The following IGF2R variants were observed in gnomAD, a reference collection of about 807,000 sequenced individuals.
IGF2R encodes insulin like growth factor 2 receptor, also known as cation-independent mannose-6-phosphate receptor.
A neutral mutation model predicts 270.6 loss-of-function variants in IGF2R; 91 were observed. The ratio of observed to expected loss-of-function variants is 0.34; its 90% CI spans 0.28 to 0.40. The LOEUF (loss-of-function observed/expected upper bound fraction) is 0.40, where lower values mean the gene tolerates loss of function less well. IGF2R is among the 10% of genes least tolerant of loss of function. IGF2R has a pLI of 1.00. For missense variants in IGF2R, 2,805 were observed against 3,188.3 expected (o/e 0.88, Z 2.90); for synonymous variants, 1,316 against 1,258.9 (o/e 1.05, Z -0.96).
intron 31 of IGF2R, among the ~76,000 whole-genome samples, chr6:160,070,432 C>T (rs1357374766): frequency 6.6e-6 from 1 of 152,196 alleles, no homozygotes; most frequent in Non-Finnish European, 1.5e-5. Flanking sequence ...CTGCCACTTC[C>T]CAGCCACATA....
chr6:160,028,389 G>A (rs574332654), intron 6 of IGF2R, among the ~76,000 whole-genome samples: 1 of 152,364 alleles, frequency 6.6e-6, no homozygotes, highest in East Asian at 1.9e-4. Flanking sequence ...CACATGCTGA[G>A]CTATGGCTTA....
intron 10 of IGF2R, among the ~76,000 whole-genome samples, chr6:160,034,957 G>A (rs533347144): frequency 6.6e-6 from 1 of 152,276 alleles, no homozygotes; most frequent in East Asian, 1.9e-4. Flanking sequence ...GTAGAGTTTG[G>A]ATCTGGGGAT....
At chr6:160,042,548 C>A (rs1291257080) in intron 11 of IGF2R, among the ~76,000 whole-genome samples, 1 of 152,172 alleles carries the variant, frequency 6.6e-6, no homozygotes, top group Non-Finnish European at 1.5e-5. Flanking sequence ...GCTGGTGCCC[C>A]CTCACGTCCT....
In IGF2R at chr6:160,020,249, A is replaced by G. The variant is rs114778628; in HGVS notation, c.514-4323A>G. ...CCACTAGAAATACATTTAGCCAAGG[A>G]GGTGAAAAATCTCTACAAGGAAAAC... On this transcript the variant is annotated intron_variant, in intron 4 of 47. Coordinates refer to ENST00000356956, the MANE Select transcript of IGF2R (RefSeq NM_000876.4). 2.5e-3 allele frequency among the ~76,000 whole-genome samples: 377 copies of G among 152,058 alleles called. 1 individual carries two copies. The highest frequency in any genetic ancestry group is 8.7e-3 in the African/African-American group (363 of 41,524).
At chr6:160,028,946 A>T (rs1324968122) in intron 6 of IGF2R, among the ~76,000 whole-genome samples, 1 of 146,822 alleles carries the variant, frequency 6.8e-6, no homozygotes, top group Non-Finnish European at 1.5e-5. Flanking sequence ...CTCTTTCCTT[A>T]TTCTAGGACA....
At chr6:160,088,987 G>C (rs1024080313) in intron 42 of IGF2R, 120 bp from the exon 43 acceptor site, 63 of 1,021,370 alleles carry the variant, frequency 6.2e-5, no homozygotes, top group Middle Eastern at 6.2e-4. Context: ...CTGAAGTCTC[G>C]CAGCACCTTG....
At chr6:159,994,119 G>A (rs1163513004) in intron 2 of IGF2R, among the ~76,000 whole-genome samples, 1 of 147,790 alleles carries the variant, frequency 6.8e-6, no homozygotes, top group Non-Finnish European at 1.5e-5. Flanking sequence ...TTAAAGTACT[G>A]ATTCAATCTC....
chr6:159,985,898 A>AT (rs983924398), intron 1 of IGF2R, among the ~76,000 whole-genome samples: 1 of 151,876 alleles, frequency 6.6e-6, no homozygotes, highest in Non-Finnish European at 1.5e-5. Flanking sequence ...TTTCTAGAAC[A>AT]TTTTCTGTCC....
intron 39 of IGF2R, among the ~76,000 whole-genome samples, chr6:160,081,408 T>G (rs571725400): frequency 8.7e-4 from 133 of 152,136 alleles, no homozygotes; most frequent in African/African-American, 2.8e-3. Context: ...GTCATGGAGA[T>G]CACATGCTTC....
chr6:160,093,681 C>T, intron 44 of IGF2R: 1 of 754,368 alleles, frequency 1.3e-6, no homozygotes, highest in Non-Finnish European at 2.5e-6. Flanking sequence ...CATTTCCAAA[C>T]CATTGAGGAT....
chr6:160,043,829 C>A (rs1276615155), intron 12 of IGF2R, among the ~76,000 whole-genome samples: 1 of 152,140 alleles, frequency 6.6e-6, no homozygotes, highest in Admixed American at 6.5e-5. Flanking sequence ...TTGAAAATGC[C>A]AGGCTATGAG....
intron 1 of IGF2R, among the ~76,000 whole-genome samples, chr6:159,990,778 T>A (rs756940617): frequency 6.6e-6 from 1 of 152,180 alleles, no homozygotes; most frequent in East Asian, 1.9e-4. Flanking sequence ...TATAGGCGTG[T>A]GCCACCACGC....
Position 160,024,634 on chromosome 6 carries a change from T to C in IGF2R, c.576T>C (p.Leu192=), listed in dbSNP as rs760803303. 1.2e-6 allele frequency: 2 copies of C among 1,614,096 alleles called. No individual in the cohort carries two copies. Among genetic ancestry groups the C allele is most frequent in the South Asian group, 2.2e-5 (2 of 91,086 alleles). The change falls in exon 5 of 48, where the codon CTT becomes CTC. Residue 192 remains leucine, a synonymous_variant. Transcript: ENST00000356956. ...RKHDLNPLIK[L]SGAYLVDDSD... is the part of the protein sequence containing the mutation. ...ATGATCTCAATCCTCTGATCAAGCT[T>C]AGTGGTGCCTACTTGGTGGATGACT... is the stretch of plus-strand genomic sequence containing the variant.
At position 160,102,989 on chromosome 6, in the gene IGF2R, A is replaced by T. The variant is rs914543141; in HGVS notation, c.6995+318A>T. On this transcript the variant is annotated intron_variant, in intron 46 of 47. Coordinates refer to ENST00000356956, the MANE Select transcript of IGF2R (RefSeq NM_000876.4). This position sits in a 1 kb window ranked among gnomAD's most constrained non-coding sequence, Gnocchi z 4.5. ...GGTGCCTTTTCCCACTGAGCAGCTG[A>T]CCCCTCTGCCCTCCTCACATCATAA... Among the ~76,000 whole-genome samples, 6 of 152,060 alleles carry T rather than the reference A, an allele frequency of 3.9e-5. No individual in the cohort carries two copies. The highest frequency in any genetic ancestry group is 1.5e-4 in the African/African-American group (6 of 41,376).
At chr6:160,063,773 C>T (rs540564497) in intron 27 of IGF2R, 143 bp downstream of exon 27, 6 of 661,556 alleles carry the variant, frequency 9.1e-6, no homozygotes, top group South Asian at 2.0e-5. Context: ...AATGATATTT[C>T]GGATTTTGCT....
At chr6:160,006,277 C>A (rs78159854) in intron 2 of IGF2R, 3,182 of 154,458 alleles carry the variant, frequency 0.021, 88 homozygotes, top group East Asian at 0.12. Flanking sequence ...GCGCCCCATG[C>A]GCCTTCCGCG....
At chr6:160,067,235 T>C (rs867536144) in intron 29 of IGF2R, among the ~76,000 whole-genome samples, 1 of 152,128 alleles carries the variant, frequency 6.6e-6, no homozygotes, top group Non-Finnish European at 1.5e-5. Flanking sequence ...CATGCTGTTC[T>C]CTGCCTGGGA....
chr6:160,056,007 G>C lies in IGF2R; in HGVS notation c.2695-417G>C, dbSNP rs117646065. Among the ~76,000 whole-genome samples, 3 of 152,258 alleles carry C rather than the reference G, an allele frequency of 2.0e-5. No homozygotes were observed. The South Asian group carries it at 6.2e-4, about 32-fold the overall frequency. On this transcript the variant is annotated intron_variant, in intron 19 of 47. Transcript: ENST00000356956. Reference sequence around the variant, plus strand: ...CCTGTGCCCTCTTCCTGCCACTGCTGAGCATCCTCCTGACCTCTGACAGCG... The same window carrying C: ...CCTGTGCCCTCTTCCTGCCACTGCTCAGCATCCTCCTGACCTCTGACAGCG...
intron 1 of IGF2R, among the ~76,000 whole-genome samples, chr6:159,980,208 A>AAAGGAAGAAAGG (rs1562330505): frequency 1.9e-4 from 17 of 90,552 alleles, no homozygotes; most frequent in Admixed American, 5.1e-4. Context: ...AGAAAGAAAG[A>AAAGGAAGAAAGG]AAGAAAGAAA....
Sources: allele counts gnomAD v4.1 joint callset (sites outside exome capture counted in the v4.1 genomes callset), GRCh38; gene constraint gnomAD v4.1.1; non-coding constraint Gnocchi (gnomAD v3.1); transcripts MANE v1.5; gene names NCBI Gene and HGNC (gene_info 2026-07-23, HGNC 2026-07-21).